Variants in FAM210A observed in about 807,000 individuals in gnomAD.
FAM210A encodes the protein family with sequence similarity 210 member A.
FAM210A carries 13 observed loss-of-function variants against 25.3 expected under a neutral mutation model. That is an observed-to-expected ratio of 0.51 (90% confidence interval 0.33 to 0.82). The LOEUF is 0.82. FAM210A is among the 40% of genes least tolerant of loss of function. The pLI is 0.02. For synonymous variants in FAM210A, 125 were observed against 118.7 expected (o/e 1.05, Z -0.35); for missense variants, 319 against 323.2 (o/e 0.99, Z 0.10).
intron 1 of FAM210A, among the ~76,000 whole-genome samples, chr18:13,712,520 G>A (rs2149069144): frequency 6.6e-6 from 1 of 152,260 alleles, no homozygotes; most frequent in Non-Finnish European, 1.5e-5. Flanking sequence ...AGGAGGTAGG[G>A]CTTTCGGGGA....
chr18:13,675,296 G>A, intron 2 of FAM210A, among the ~76,000 whole-genome samples: 1 of 104,084 alleles, frequency 9.6e-6, no homozygotes, highest in African/African-American at 3.8e-5. Context: ...TAACATTCCT[G>A]AGACCCGACT....
intron 2 of FAM210A, among the ~76,000 whole-genome samples, chr18:13,676,859 A>T (rs984792770): frequency 2.0e-5 from 3 of 152,178 alleles, no homozygotes; most frequent in African/African-American, 4.8e-5. Context: ...TCGCACAGGA[A>T]AACGACAGAA....
At chr18:13,704,797 T>C (rs907484473) in intron 1 of FAM210A, among the ~76,000 whole-genome samples, 1 of 152,214 alleles carries the variant, frequency 6.6e-6, no homozygotes, top group Non-Finnish European at 1.5e-5. Context: ...GTATATGCTA[T>C]CCATAATTAC....
At chr18:13,692,787 G>A (rs2149061795) in intron 1 of FAM210A, among the ~76,000 whole-genome samples, 1 of 152,288 alleles carries the variant, frequency 6.6e-6, no homozygotes, top group East Asian at 1.9e-4. Context: ...GCCCACAAGA[G>A]AAAGCAGGAA....
At chr18:13,721,553 AG>A (rs995763829) in intron 1 of FAM210A, among the ~76,000 whole-genome samples, 44 of 152,300 alleles carry the variant, frequency 2.9e-4, no homozygotes, top group African/African-American at 9.4e-4. Context: ...CTATTATTCC[AG>A]GAAGAGGCAG....
At chr18:13,703,665 A>C (rs1469433743) in intron 1 of FAM210A, among the ~76,000 whole-genome samples, 3 of 152,016 alleles carry the variant, frequency 2.0e-5, no homozygotes, top group African/African-American at 7.3e-5. Flanking sequence ...CAACTACTTA[A>C]TTTTTTTCCA....
intron 3 of FAM210A, among the ~76,000 whole-genome samples, chr18:13,667,361 T>G (rs1014119540): frequency 6.6e-6 from 1 of 152,222 alleles, no homozygotes; most frequent in African/African-American, 2.4e-5. Context: ...GGACCAATAC[T>G]AAATAGCAGA....
intron 1 of FAM210A, among the ~76,000 whole-genome samples, chr18:13,684,629 T>C (rs2043581772): frequency 1.3e-5 from 2 of 152,182 alleles, no homozygotes. Flanking sequence ...AACACTCCGG[T>C]CAACAACCTT....
intron 2 of FAM210A, among the ~76,000 whole-genome samples, chr18:13,678,597 T>C (rs894122856): frequency 1.3e-5 from 2 of 152,332 alleles, no homozygotes; most frequent in Admixed American, 1.3e-4. Flanking sequence ...GCCCCACTTA[T>C]TTCTAAACTG....
At chr18:13,714,734 G>C (rs962863359) in intron 1 of FAM210A, among the ~76,000 whole-genome samples, 1 of 152,066 alleles carries the variant, frequency 6.6e-6, no homozygotes, top group Non-Finnish European at 1.5e-5. Flanking sequence ...ATGTAATTTT[G>C]CATTCTTTAC....
intron 1 of FAM210A, among the ~76,000 whole-genome samples, chr18:13,708,026 T>C (rs1490077801): frequency 6.6e-6 from 1 of 152,236 alleles, no homozygotes; most frequent in Non-Finnish European, 1.5e-5. Context: ...TTACATTTAA[T>C]TCAGCTGAAG....
At position 13,681,745 on chromosome 18, in the gene FAM210A, C is replaced by T; in HGVS notation, c.333G>A (p.Glu111=). The T allele has an allele frequency of 6.2e-7, 1 of 1,614,178 alleles. No individual in the cohort carries two copies. Among genetic ancestry groups the T allele is most frequent in the Non-Finnish European group, 8.5e-7 (1 of 1,180,038 alleles). ...TAQGTPEKKE[E]PDPLQDKSIS... is the part of the protein sequence containing the mutation. ...TAGATTTGTCTTGCAAAGGATCAGG[C>T]TCTTCCTTTTTTTCCGGAGTTCCCT... is the stretch of plus-strand genomic sequence containing the variant. The change falls in exon 2 of 4, where the codon GAG becomes GAA. Residue 111 remains glutamate, a synonymous_variant. Transcript: ENST00000651643.
At chr18:13,714,573 C>T (rs1054388934) in intron 1 of FAM210A, among the ~76,000 whole-genome samples, 1 of 150,998 alleles carries the variant, frequency 6.6e-6, no homozygotes, top group Non-Finnish European at 1.5e-5. Context: ...AACTCAGTTG[C>T]TTCTGAAACT....
At chr18:13,669,311 T>A (rs1601938471) in intron 3 of FAM210A, among the ~76,000 whole-genome samples, 1 of 152,202 alleles carries the variant, frequency 6.6e-6, no homozygotes, top group Non-Finnish European at 1.5e-5. Flanking sequence ...AATTGTCCAG[T>A]GGCTTTCCAT....
chr18:13,712,978 G>T (rs1250585281), intron 1 of FAM210A, among the ~76,000 whole-genome samples: 1 of 152,104 alleles, frequency 6.6e-6, no homozygotes, highest in Non-Finnish European at 1.5e-5. Context: ...CTCATTTGCC[G>T]CCCTGGCTTT....
rs116988556 is a variant in FAM210A, at chr18:13,665,833, T to G, written c.*647A>C. 0.018 allele frequency: 2,705 copies of G among 152,364 alleles called. 30 individuals are homozygous for G. The highest frequency in any genetic ancestry group is 0.061 in the Middle Eastern group (18 of 294). The allele number at this position is 152,364 out of a possible 1,614,324, so 9.4% of individuals were successfully genotyped here. On this transcript the variant is annotated 3_prime_UTR_variant, in exon 4 of 4. Coordinates refer to ENST00000651643, the MANE Select transcript of FAM210A (RefSeq NM_152352.4). ...CATATATATATTTGCTTTAAAAAAA[T>G]TATGACAAGCTTCAGGTAAAAATAA...
rs761747838 is a variant in FAM210A at position 13,681,602 on chromosome 18, T to TACTTCA, written c.470_473+2dup. The TACTTCA allele has an allele frequency of 6.3e-7, 1 of 1,579,186 alleles. No individual in the cohort carries two copies. Among genetic ancestry groups the TACTTCA allele is most frequent in the South Asian group, 1.2e-5 (1 of 84,692 alleles). ...AAAGACATTCAACTAAGCAAAAACTTACTTCAAGGCTGCATAATAAAATGT... is the reference window on the plus strand; with the variant it reads ...AAAGACATTCAACTAAGCAAAAACTTACTTCAACTTCAAGGCTGCATAATAAAATGT... On this transcript the variant is annotated splice_region_variant and intron_variant, in intron 2 of 3. Coordinates refer to ENST00000651643, the MANE Select transcript of FAM210A (RefSeq NM_152352.4).
At chr18:13,683,718 C>A (rs1372357732) in intron 1 of FAM210A, among the ~76,000 whole-genome samples, 1 of 152,112 alleles carries the variant, frequency 6.6e-6, no homozygotes, top group Non-Finnish European at 1.5e-5. Flanking sequence ...ACCACACATG[C>A]CTTCCCACTC....
At chr18:13,695,674 T>C (rs2043686469) in intron 1 of FAM210A, among the ~76,000 whole-genome samples, 1 of 133,284 alleles carries the variant, frequency 7.5e-6, no homozygotes, top group East Asian at 2.2e-4. Flanking sequence ...TGAGAACACT[T>C]GGACACAGGG....
Sources: gnomAD v4.1 joint callset for allele counts (sites outside exome capture counted in the v4.1 genomes callset) on GRCh38, gnomAD v4.1.1 for gene constraint, MANE v1.5 for transcripts, NCBI Gene and HGNC (gene_info 2026-07-23, HGNC 2026-07-21) for gene names.